DKKL1: variants seen among roughly 807,000 people sequenced by gnomAD.
The protein encoded by DKKL1 is dickkopf like acrosomal protein 1.
Under a neutral mutation model 16.5 loss-of-function variants are expected in DKKL1, and 11 were observed. The ratio of observed to expected loss-of-function variants is 0.67; its 90% CI spans 0.42 to 1.10. DKKL1 has a LOEUF of 1.10. Among genes scored for constraint, DKKL1 ranks in the 50% least tolerant of loss-of-function variants. The pLI is 0.00. For synonymous variants in DKKL1, 119 were observed against 133.2 expected, an observed-to-expected ratio of 0.89 and a Z score of 0.73; for missense variants, 320 against 308.1, an observed-to-expected ratio of 1.04 and a Z score of -0.29.
In DKKL1 at chr19:49,364,023, C is replaced by G. The variant is rs368306963; in HGVS notation, c.10+15C>G. 9.3e-6 allele frequency: 15 copies of G among 1,613,118 alleles called. No individual in the cohort carries two copies. In the African/African-American group the frequency reaches 1.9e-4, roughly 20 times the overall value. On this transcript the variant is annotated intron_variant, in intron 1 of 4. Coordinates refer to ENST00000221498, the MANE Select transcript of DKKL1 (RefSeq NM_014419.4). ...TATGGGAGAAGGTGAGGATTGAGATCTGGTGGTGAACGTGGGCGAAAGTGA... is the reference window on the plus strand; with the variant it reads ...TATGGGAGAAGGTGAGGATTGAGATGTGGTGGTGAACGTGGGCGAAAGTGA...
At chr19:49,371,271 A>C in intron 4 of DKKL1, 1 of 152,230 alleles carries the variant, frequency 6.6e-6, no homozygotes. Flanking sequence ...GAACACCTGG[A>C]AGGGCCGGGT....
chr19:49,366,248 G>A (rs1234508080), intron 4 of DKKL1, among the ~76,000 whole-genome samples: 1 of 152,012 alleles, frequency 6.6e-6, no homozygotes, highest in African/African-American at 2.4e-5. Flanking sequence ...AACATTTTCT[G>A]TAGTTTAGGA....
In DKKL1 at chr19:49,363,888, C is replaced by G. The variant is rs950981447; in HGVS notation, c.-111C>G. ...CAACGCTCTAGACCAGACCTGGGCTCGAGACCATAACTGTTTGGCTTTAAC... is the reference window on the plus strand; with the variant it reads ...CAACGCTCTAGACCAGACCTGGGCTGGAGACCATAACTGTTTGGCTTTAAC... On this transcript the variant is annotated 5_prime_UTR_variant, in exon 1 of 5. Coordinates refer to ENST00000221498, the MANE Select transcript of DKKL1 (RefSeq NM_014419.4). The G allele has an allele frequency of 4.8e-6, 7 of 1,466,640 alleles. No individual in the cohort carries two copies. In the East Asian group the frequency reaches 1.2e-4, roughly 26 times the overall value. 90.9% of individuals were successfully genotyped at this position (1,466,640 alleles called of 1,614,324 possible).
chr19:49,365,218 C>A lies in DKKL1; in HGVS notation c.184-291C>A, dbSNP rs559162428. On this transcript the variant is annotated intron_variant, in intron 2 of 4. Coordinates refer to ENST00000221498, the MANE Select transcript of DKKL1 (RefSeq NM_014419.4). ...TAAATAAGAGAGGAAAGGTAACAGG[C>A]AAAGAGAGAGGAGATGGGACAGAGA... Among the ~76,000 whole-genome samples, 8 of 138,850 alleles carry A rather than the reference C, an allele frequency of 5.8e-5. No individual in the cohort carries two copies. In the South Asian group the frequency reaches 1.8e-3, roughly 31 times the overall value. 91.1% of individuals were successfully genotyped at this position (138,850 alleles called of 152,430 possible). A position where few individuals can be genotyped will look rare whatever the true frequency, so the allele number is the denominator to read the frequency against.
At chr19:49,360,732 G>GA, upstream of DKKL1, among the ~76,000 whole-genome samples, 1 of 92,760 alleles carries the variant, frequency 1.1e-5, no homozygotes, top group South Asian at 3.1e-4. Context: ...TCTAGAGAGA[G>GA]GGGGACAGAG....
chr19:49,364,554 GGGGCTC>G, intron 1 of DKKL1, 22 bp from the exon 2 acceptor site: 1 of 1,594,142 alleles, frequency 6.3e-7, no homozygotes, highest in Non-Finnish European at 8.5e-7. Flanking sequence ...GCCACTGTGC[GGGGCTC>G]TGACCCCGAC....
At chr19:49,371,716 C>T (rs1415135422) in intron 4 of DKKL1, among the ~76,000 whole-genome samples, 1 of 151,914 alleles carries the variant, frequency 6.6e-6, no homozygotes, top group Admixed American at 6.6e-5. Context: ...TTTGCTGTAC[C>T]CATCAGCCCG....
intron 4 of DKKL1, among the ~76,000 whole-genome samples, chr19:49,371,780 C>G (rs549700291): frequency 1.3e-5 from 2 of 152,172 alleles, no homozygotes; most frequent in East Asian, 1.9e-4. Flanking sequence ...CCCCCCACCC[C>G]CCACCGACAG....
chr19:49,374,218 C>A (rs1023677373), intron 4 of DKKL1, among the ~76,000 whole-genome samples: 2 of 152,182 alleles, frequency 1.3e-5, no homozygotes, highest in African/African-American at 4.8e-5. Flanking sequence ...GATCTCCTGA[C>A]CTCGTGATCC....
At chr19:49,371,222 A>G (rs2146792306) in intron 4 of DKKL1, 1 of 152,230 alleles carries the variant, frequency 6.6e-6, no homozygotes. Flanking sequence ...ACCTGTTGTG[A>G]CCTTTGTTTT....
intron 4 of DKKL1, chr19:49,370,179 G>T (rs929889313): frequency 6.6e-6 from 1 of 152,218 alleles, no homozygotes; most frequent in African/African-American, 2.4e-5. Flanking sequence ...GAAGGCCAAT[G>T]AATGTGCCAA....
At chr19:49,361,230 T>TGACAGAGACCCAGAGAGAGGGG (rs1568585822), upstream of DKKL1, among the ~76,000 whole-genome samples, 68 of 22,562 alleles carry the variant, frequency 3.0e-3, no homozygotes, top group African/African-American at 0.011. Flanking sequence ...AGAGAGAGGG[T>TGACAGAGACCCAGAGAGAGGGG]GACAGAGACC....
In DKKL1 at chr19:49,366,010, C is replaced by T. The variant is rs1028280485; in HGVS notation, c.417+125C>T. 9 of 810,760 alleles carry T rather than the reference C, an allele frequency of 1.1e-5. No individual in the cohort carries two copies. The African/African-American group carries it at 1.2e-4, about 11-fold the overall frequency. The allele number at this position is 810,760 out of a possible 1,614,324, so 50.2% of individuals were successfully genotyped here. A position where few individuals can be genotyped will look rare whatever the true frequency, so the allele number is the denominator to read the frequency against. On this transcript the variant is annotated intron_variant, in intron 4 of 4. Coordinates refer to ENST00000221498, the MANE Select transcript of DKKL1 (RefSeq NM_014419.4). ...TGGCACGATCTTGGCTCACTGCAAC[C>T]TCCGCCTCCGAAGTTCAGGCAATTC...
chr19:49,368,134 G>A (rs1973331341), intron 4 of DKKL1, among the ~76,000 whole-genome samples: 1 of 152,130 alleles, frequency 6.6e-6, no homozygotes, highest in African/African-American at 2.4e-5. Context: ...GCAACACGGT[G>A]AAACCCTGTC....
chr19:49,367,940 CT>C (rs1218387850), intron 4 of DKKL1, among the ~76,000 whole-genome samples: 2 of 152,120 alleles, frequency 1.3e-5, no homozygotes. Context: ...ATTTGGGAGG[CT>C]GAGGCAGGAG....
chr19:49,363,081 C>T (rs1431938309), upstream of DKKL1: 2 of 151,548 alleles, frequency 1.3e-5, no homozygotes, highest in African/African-American at 2.4e-5. Flanking sequence ...GGTGCAGATT[C>T]CTCATCTACA....
Position 49,363,879 on chromosome 19 carries a change from AC to A in DKKL1, c.-118del. 1 of 1,412,354 alleles carries A rather than the reference AC, an allele frequency of 7.1e-7. No homozygotes were observed. Among genetic ancestry groups the A allele is most frequent in the Middle Eastern group, 1.9e-4 (1 of 5,254 alleles). 87.5% of individuals were successfully genotyped at this position (1,412,354 alleles called of 1,614,324 possible). ...GAGCGCAACCAACGCTCTAGACCAG[AC>A]CTGGGCTCGAGACCATAACTGTTTG... On this transcript the variant is annotated 5_prime_UTR_variant, in exon 1 of 5. Transcript: ENST00000221498.
rs1054770 is a variant in DKKL1 at position 49,374,858 on chromosome 19, G to A, written c.559G>A (p.Gly187Ser). The A allele has an allele frequency of 0.27, 434,831 of 1,613,496 alleles. 61,555 individuals carry two copies. Among genetic ancestry groups the A allele is most frequent in the South Asian group, 0.46 (41,641 of 91,040 alleles). Residue 187 changes from glycine to serine, a missense_variant, in exon 5 of 5, where the codon GGC (glycine) becomes AGC (serine). Transcript: ENST00000221498. Reference sequence around the variant, plus strand: ...GTCCCACCAGGATGCCCTGGAGGGCGGCCACTGGCTCAGCGAGAAGCGACA... The same window carrying A: ...GTCCCACCAGGATGCCCTGGAGGGCAGCCACTGGCTCAGCGAGAAGCGACA... The part of the protein sequence containing the change: ...RRSHQDALEG[G>S]HWLSEKRHRL...
At chr19:49,362,025 TAAG>T (rs923580893), upstream of DKKL1, 9 of 152,704 alleles carry the variant, frequency 5.9e-5, no homozygotes, top group African/African-American at 2.2e-4. Context: ...CCCTTCTCCG[TAAG>T]AAGGACCAAA....
Sources: gnomAD v4.1 joint callset for allele counts (sites outside exome capture counted in the v4.1 genomes callset) on GRCh38, gnomAD v4.1.1 for gene constraint, MANE v1.5 for transcripts, NCBI Gene and HGNC (gene_info 2026-07-23, HGNC 2026-07-21) for gene names.